The following ULK2 variants were observed in gnomAD, a reference collection of about 807,000 sequenced individuals.
The protein encoded by ULK2 is serine/threonine-protein kinase ULK2.
Under a neutral mutation model 127.5 loss-of-function variants are expected in ULK2, and 76 were observed. That is an observed-to-expected ratio of 0.60 (90% CI 0.50 to 0.72). The LOEUF is 0.72. ULK2 is among the 30% of genes least tolerant of loss of function. The pLI is 0.00. For synonymous variants in ULK2, 452 were observed against 461.9 expected, an observed-to-expected ratio of 0.98 and a Z score of 0.28; for missense variants, 1,144 against 1,295.9, an observed-to-expected ratio of 0.88 and a Z score of 1.80.
Position 19,867,331 on chromosome 17 carries a change from G to A in ULK2, c.87C>T (p.Arg29=), listed in dbSNP as rs901906893. The change falls in exon 1 of 27, where the codon CGC becomes CGT. Residue 29 remains arginine, a synonymous_variant. Transcript: ENST00000395544. Reference sequence around the variant, plus strand: ...CCTCGCCCCGGCCGGCGCTCACCTGGCGGTGCCGCCCCCGGAAGACCACGG... The same window carrying A: ...CCTCGCCCCGGCCGGCGCTCACCTGACGGTGCCGCCCCCGGAAGACCACGG... ...AFAVVFRGRH[R]QKTDWEVAIK... 2.5e-6 allele frequency: 4 copies of A among 1,594,036 alleles called. No homozygotes were observed. The highest frequency in any genetic ancestry group is 3.4e-6 in the Non-Finnish European group (4 of 1,172,176).
At chr17:19,781,748 A>G in intron 23 of ULK2, 141 bp downstream of exon 23, 1 of 961,792 alleles carries the variant, frequency 1.0e-6, no homozygotes, top group Non-Finnish European at 1.5e-6. Flanking sequence ...CATATAGTGA[A>G]ATGTAGTACA....
chr17:19,780,392 A>G (rs1026476814), intron 25 of ULK2, 80 bp downstream of exon 25: 20 of 1,265,458 alleles, frequency 1.6e-5, no homozygotes, highest in Non-Finnish European at 2.0e-5. Flanking sequence ...TTAAAAGGAT[A>G]GCTGTCATAT....
intron 10 of ULK2, among the ~76,000 whole-genome samples, chr17:19,826,944 G>A (rs62068130): frequency 5.4e-5 from 8 of 149,142 alleles, no homozygotes; most frequent in Admixed American, 1.3e-4. Flanking sequence ...GTGACAGAGC[G>A]AGACTCCGTC....
intron 3 of ULK2, among the ~76,000 whole-genome samples, chr17:19,863,142 G>A (rs1465122187): frequency 6.6e-6 from 1 of 151,980 alleles, no homozygotes; most frequent in African/African-American, 2.4e-5. Context: ...TTAACCCGGG[G>A]GGGCAGAGGT....
At chr17:19,849,679 G>C in intron 4 of ULK2, 63 bp downstream of exon 4, 1 of 1,034,582 alleles carries the variant, frequency 9.7e-7, no homozygotes, top group South Asian at 1.8e-5. Flanking sequence ...ATTTATGCTA[G>C]AATCTAAAAA....
At chr17:19,818,138 T>C (rs1038781178) in intron 12 of ULK2, among the ~76,000 whole-genome samples, 2 of 151,902 alleles carry the variant, frequency 1.3e-5, no homozygotes, top group African/African-American at 4.8e-5. Flanking sequence ...CTGGCTAACA[T>C]GGTGAAACCC....
intron 8 of ULK2, among the ~76,000 whole-genome samples, chr17:19,842,190 CTTTTTTTTTTTT>C (rs869294657): frequency 2.3e-5 from 2 of 88,396 alleles, no homozygotes; most frequent in South Asian, 4.4e-4. Flanking sequence ...TTTTCTTTTT[CTTTTTTTTTTTT>C]TTTTTTTTTT....
chr17:19,818,671 A>G (rs969256188), intron 12 of ULK2, among the ~76,000 whole-genome samples: 1 of 151,532 alleles, frequency 6.6e-6, no homozygotes. Flanking sequence ...GGCTCCTGAC[A>G]TTTTCATCCT....
intron 18 of ULK2, 38 bp from the exon 19 acceptor site, chr17:19,796,320 T>A: frequency 6.5e-7 from 1 of 1,533,410 alleles, no homozygotes. Context: ...TGTAAACTAG[T>A]TAATACGATG....
chr17:19,799,922 G>C (rs1457644966), intron 16 of ULK2, among the ~76,000 whole-genome samples: 1 of 152,196 alleles, frequency 6.6e-6, no homozygotes, highest in Non-Finnish European at 1.5e-5. Flanking sequence ...ACAGCTAACA[G>C]AGAGCCCCAG....
chr17:19,785,480 G>A (rs1224528695), intron 21 of ULK2, among the ~76,000 whole-genome samples: 1 of 151,470 alleles, frequency 6.6e-6, no homozygotes, highest in African/African-American at 2.4e-5. Context: ...CCCAAAGTAA[G>A]TGCTGGGATT....
chr17:19,796,233 A>G lies in ULK2; in HGVS notation c.1859T>C (p.Leu620Ser). The change falls in exon 19 of 27, where the codon TTA (leucine) becomes TCA (serine). Residue 620 changes from leucine to serine, a missense_variant. Around this residue, in one of 2 missense-constraint regions of ULK2, gnomAD observed 913 missense variants for 970.5 expected, o/e 0.94. Coordinates refer to ENST00000395544, the MANE Select transcript of ULK2 (RefSeq NM_014683.4). ...IPKTQASSNLLALVTRHGPAE... is the reference protein window; with the variant it reads ...IPKTQASSNLSALVTRHGPAE... ...AGGCCCATGACGAGTAACCAAGGCT[A>G]ACAGGTTGGAAGATGCTTGAGTTTT... 6.2e-7 allele frequency: 1 copy of G among 1,614,136 alleles called. No individual in the cohort carries two copies.
At chr17:19,852,569 C>G (rs2042041544) in intron 3 of ULK2, among the ~76,000 whole-genome samples, 1 of 149,748 alleles carries the variant, frequency 6.7e-6, no homozygotes, top group Non-Finnish European at 1.5e-5. Flanking sequence ...TACTGCTAGG[C>G]TATTTAAAGT....
chr17:19,810,556 G>T, intron 13 of ULK2, 118 bp from the exon 14 acceptor site: 1 of 602,972 alleles, frequency 1.7e-6, no homozygotes. Context: ...ATTGGCTTAT[G>T]TTATGATTTC....
At chr17:19,820,048 T>C (rs988121735) in intron 12 of ULK2, among the ~76,000 whole-genome samples, 7 of 60,940 alleles carry the variant, frequency 1.1e-4, no homozygotes, top group African/African-American at 4.2e-4. Flanking sequence ...ACTGCAACTT[T>C]ATTTATTTTT....
At chr17:19,823,813 C>G (rs1193834268) in intron 12 of ULK2, among the ~76,000 whole-genome samples, 3 of 152,168 alleles carry the variant, frequency 2.0e-5, no homozygotes, top group Non-Finnish European at 2.9e-5. Flanking sequence ...GTCTTATTAA[C>G]ATAATCTGCT....
chr17:19,838,794 G>A (rs1225496772), intron 9 of ULK2, among the ~76,000 whole-genome samples: 7 of 151,738 alleles, frequency 4.6e-5, no homozygotes, highest in East Asian at 1.9e-4. Context: ...TTGGGAGGCC[G>A]AGACAGGTGG....
chr17:19,811,925 T>C (rs1401399870), intron 13 of ULK2, among the ~76,000 whole-genome samples: 2 of 152,132 alleles, frequency 1.3e-5, no homozygotes, highest in Non-Finnish European at 2.9e-5. Flanking sequence ...TGTTGTAATT[T>C]TGAAACTATA....
intron 7 of ULK2, among the ~76,000 whole-genome samples, chr17:19,844,437 T>G (rs1374274908): frequency 6.6e-6 from 1 of 152,128 alleles, no homozygotes; most frequent in Non-Finnish European, 1.5e-5. Context: ...GGCATAACAT[T>G]TTTATTTATT....
Sources: gnomAD v4.1 joint callset for allele counts (sites outside exome capture counted in the v4.1 genomes callset) on GRCh38, gnomAD v4.1.1 for gene constraint, gnomAD v4.1.1 regional missense constraint, MANE v1.5 for transcripts, NCBI Gene and HGNC (gene_info 2026-07-23, HGNC 2026-07-21) for gene names.